CADPS2: variants seen among roughly 807,000 people sequenced by gnomAD.
CADPS2 encodes calcium dependent secretion activator 2.
Under a neutral mutation model 172.5 loss-of-function variants are expected in CADPS2, and 93 were observed. The observed-to-expected ratio is 0.54, with a 90% CI of 0.46 to 0.64. The LOEUF (loss-of-function observed/expected upper bound fraction) is 0.64. Ranked by LOEUF, CADPS2 falls within the 30% of genes least tolerant of loss-of-function variation. The probability of loss-of-function intolerance (pLI) is 0.00; values close to 1 mark genes in which losing one functional copy is unlikely to be tolerated. For missense variants in CADPS2, 1,420 were observed against 1,565.9 expected (o/e 0.91, Z 1.57); for synonymous variants, 546 against 555.2 (o/e 0.98, Z 0.23).
intron 7 of CADPS2, among the ~76,000 whole-genome samples, chr7:122,563,555 C>T (rs561910179): frequency 6.6e-6 from 1 of 152,126 alleles, no homozygotes; most frequent in African/African-American, 2.4e-5. Context: ...TTTATATCGC[C>T]CCCCTCAATT....
At chr7:122,553,294 T>C (rs2064567006) in intron 8 of CADPS2, among the ~76,000 whole-genome samples, 1 of 152,160 alleles carries the variant, frequency 6.6e-6, no homozygotes, top group African/African-American at 2.4e-5. Flanking sequence ...TAGTGCTCAA[T>C]ACATGCCTGC....
chr7:122,706,064 AAT>A (rs1184466237), intron 2 of CADPS2, among the ~76,000 whole-genome samples: 14 of 95,030 alleles, frequency 1.5e-4, no homozygotes, highest in African/African-American at 4.2e-4. Flanking sequence ...ATATTCAAGG[AAT>A]ATATATATGT....
intron 27 of CADPS2, among the ~76,000 whole-genome samples, chr7:122,358,572 T>C (rs2039723917): frequency 6.6e-6 from 1 of 152,048 alleles, no homozygotes; most frequent in Non-Finnish European, 1.5e-5. Flanking sequence ...CTTCTTGAAG[T>C]TGTATAGTTC....
At position 122,663,561 on chromosome 7, in the gene CADPS2, T is replaced by C. The variant is rs200522504; in HGVS notation, c.462A>G (p.Leu154=). The change falls in exon 3 of 30, where the codon CTA becomes CTG. Residue 154 remains leucine, a synonymous_variant. Coordinates refer to ENST00000449022, the MANE Select transcript of CADPS2 (RefSeq NM_017954.11). ...NAVRSYYEVF[L]KSDRVARMVQ... ...CCATTCTGGCCACTCGGTCACTCTTTAGAAAAACCTGAAAACAAAACAAAA... is the reference window on the plus strand; with the variant it reads ...CCATTCTGGCCACTCGGTCACTCTTCAGAAAAACCTGAAAACAAAACAAAA... 5.2e-4 allele frequency: 808 copies of C among 1,568,304 alleles called. No individual in the cohort carries two copies. Among genetic ancestry groups the C allele is most frequent in the Non-Finnish European group, 6.6e-4 (760 of 1,155,124 alleles).
rs764086485 is a variant in CADPS2, at chr7:122,477,055, AG to A, written c.1862-2539del. On this transcript the variant is annotated intron_variant, in intron 12 of 29. Coordinates refer to ENST00000449022, the MANE Select transcript of CADPS2 (RefSeq NM_017954.11). ...GAGGAGAGGAGAGGAGAGAGAGAAG[AG>A]AGAGAGAGAGAGAGAGAGAGAGAGA... Among the ~76,000 whole-genome samples the A allele has an allele frequency of 1.8e-3, 70 of 38,332 alleles. 1 individual carries two copies. Among genetic ancestry groups the A allele is most frequent in the Non-Finnish European group, 2.6e-3 (60 of 23,132 alleles). 25.1% of individuals were successfully genotyped at this position (38,332 alleles called of 152,430 possible).
intron 2 of CADPS2, among the ~76,000 whole-genome samples, chr7:122,730,212 T>C (rs1039394821): frequency 1.3e-5 from 2 of 151,650 alleles, no homozygotes; most frequent in African/African-American, 4.8e-5. Context: ...CAAAGAAATA[T>C]GAATGACCAA....
intron 3 of CADPS2, among the ~76,000 whole-genome samples, chr7:122,640,701 G>T (rs189158388): frequency 1.7e-3 from 261 of 152,256 alleles, no homozygotes; most frequent in African/African-American, 6.0e-3. Context: ...GGAGGCCGAG[G>T]CAGGCGGATC....
chr7:122,400,786 C>T (rs773589454), intron 20 of CADPS2, among the ~76,000 whole-genome samples: 7 of 152,186 alleles, frequency 4.6e-5, no homozygotes, highest in Non-Finnish European at 1.0e-4. Flanking sequence ...TCTATAAACA[C>T]CAATTCGTGA....
rs376655551 is a variant in CADPS2 at position 122,537,283 on chromosome 7, CA to C, written c.1475+17266del. Among the ~76,000 whole-genome samples, 49 of 137,162 alleles carry C rather than the reference CA, an allele frequency of 3.6e-4. No individual in the cohort carries two copies. In the South Asian group the frequency reaches 3.7e-3, roughly 10 times the overall value. 90.0% of individuals were successfully genotyped at this position (137,162 alleles called of 152,430 possible). On this transcript the variant is annotated intron_variant, in intron 8 of 29. Transcript: ENST00000449022. ...AAGTATCTATGAATGGTAATACAAGCAAAAAAAAAACAAACAAACAAAAAAC... is the reference window on the plus strand; with the variant it reads ...AAGTATCTATGAATGGTAATACAAGCAAAAAAAAACAAACAAACAAAAAAC...
rs552390799 is a variant in CADPS2, at chr7:122,601,575, G to C, written c.1223+13606C>G. Among the ~76,000 whole-genome samples the C allele has an allele frequency of 2.0e-5, 3 of 151,974 alleles. No homozygotes were observed. The East Asian group carries it at 5.8e-4, about 29-fold the overall frequency. ...CTGGGAACAAAATAAATTAAAAATA[G>C]GATCATCTTCTCTTCCTTAAAAAAA... On this transcript the variant is annotated intron_variant, in intron 6 of 29. Coordinates refer to ENST00000449022, the MANE Select transcript of CADPS2 (RefSeq NM_017954.11).
At chr7:122,763,869 T>C (rs2093466365) in intron 1 of CADPS2, among the ~76,000 whole-genome samples, 1 of 152,182 alleles carries the variant, frequency 6.6e-6, no homozygotes, top group Non-Finnish European at 1.5e-5. Context: ...AGCCATAGAC[T>C]GCACTATTTC....
intron 20 of CADPS2, among the ~76,000 whole-genome samples, chr7:122,394,510 T>C (rs981948103): frequency 6.6e-6 from 1 of 152,120 alleles, no homozygotes; most frequent in East Asian, 1.9e-4. Flanking sequence ...AAAGTGAAAA[T>C]GTGCTGATTT....
At chr7:122,461,486 C>T (rs2054424540) in intron 14 of CADPS2, among the ~76,000 whole-genome samples, 1 of 152,006 alleles carries the variant, frequency 6.6e-6, no homozygotes, top group South Asian at 2.1e-4. Flanking sequence ...AGTGTACTTA[C>T]AAAACACAAA....
chr7:122,604,695 C>T (rs1376984922), intron 6 of CADPS2, among the ~76,000 whole-genome samples: 1 of 152,140 alleles, frequency 6.6e-6, no homozygotes, highest in East Asian at 1.9e-4. Flanking sequence ...TTACCTTCTT[C>T]ACTCATTTTT....
intron 1 of CADPS2, among the ~76,000 whole-genome samples, chr7:122,743,000 A>G (rs1238018423): frequency 6.6e-6 from 1 of 152,160 alleles, no homozygotes; most frequent in Non-Finnish European, 1.5e-5. Context: ...ATTATTTAGC[A>G]TATGTTTTAA....
chr7:122,493,459 C>T (rs1172077363), intron 9 of CADPS2, among the ~76,000 whole-genome samples: 1 of 152,108 alleles, frequency 6.6e-6, no homozygotes, highest in African/African-American at 2.4e-5. Flanking sequence ...ATGTTAGAGA[C>T]TGCTAAGTTG....
intron 25 of CADPS2, among the ~76,000 whole-genome samples, chr7:122,370,356 C>T (rs1190051155): frequency 1.3e-5 from 2 of 152,196 alleles, no homozygotes; most frequent in Non-Finnish European, 2.9e-5. Flanking sequence ...TCTACATTGC[C>T]TCATGGCTGT....
intron 11 of CADPS2, among the ~76,000 whole-genome samples, chr7:122,484,924 A>C (rs1028577656): frequency 2.6e-5 from 4 of 152,110 alleles, no homozygotes; most frequent in Admixed American, 2.0e-4. Context: ...TGACTGTTTC[A>C]TGTTATGGTA....
intron 7 of CADPS2, among the ~76,000 whole-genome samples, chr7:122,566,203 C>T (rs1226018477): frequency 1.3e-5 from 2 of 152,060 alleles, no homozygotes; most frequent in South Asian, 2.1e-4. Flanking sequence ...CCACCTCACA[C>T]CTGAATGGCT....
Sources: gnomAD v4.1 joint callset for allele counts (sites outside exome capture counted in the v4.1 genomes callset) on GRCh38, gnomAD v4.1.1 for gene constraint, MANE v1.5 for transcripts, NCBI Gene and HGNC (gene_info 2026-07-23, HGNC 2026-07-21) for gene names.